The following FAM135A variants were observed in gnomAD, a reference collection of about 807,000 sequenced individuals.
FAM135A encodes the protein protein FAM135A.
FAM135A carries 79 observed loss-of-function variants against 146.8 expected under a neutral mutation model. That is an observed-to-expected ratio of 0.54 (90% confidence interval 0.45 to 0.65). The LOEUF is 0.65. FAM135A is among the 30% of genes least tolerant of loss of function. The pLI is 0.00. For missense variants in FAM135A, 1,623 were observed against 1,758.2 expected (o/e 0.92, Z 1.38); for synonymous variants, 562 against 603.6 (o/e 0.93, Z 1.01).
intron 5 of FAM135A, among the ~76,000 whole-genome samples, 194 bp from the exon 6 acceptor site, chr6:70,475,216 T>C (rs1782392276): frequency 6.6e-6 from 1 of 152,248 alleles, no homozygotes. Flanking sequence ...AATTTTACAA[T>C]GCTCATAATG....
At chr6:70,538,170 A>G in intron 19 of FAM135A, 121 bp from the exon 20 acceptor site, 2 of 523,422 alleles carry the variant, frequency 3.8e-6, no homozygotes, top group Non-Finnish European at 6.1e-6. Flanking sequence ...TGATTAGCCA[A>G]CAAAAATGCT....
intron 1 of FAM135A, chr6:70,413,935 T>G: frequency 1.0e-6 from 1 of 985,476 alleles, no homozygotes; most frequent in Non-Finnish European, 1.2e-6. Context: ...CGCGGCGCGC[T>G]GCTCTCCCGG....
At chr6:70,421,375 G>A (rs111279308) in intron 2 of FAM135A, among the ~76,000 whole-genome samples, 20 of 152,188 alleles carry the variant, frequency 1.3e-4, no homozygotes, top group African/African-American at 4.8e-4. Flanking sequence ...CATTTCACTC[G>A]TTCAGTGGAC....
rs1796276802 is a variant in FAM135A at position 70,533,780 on chromosome 6, T to C, written c.3891T>C (p.Asp1297=). The C allele has an allele frequency of 6.3e-7, 1 of 1,587,516 alleles. No individual in the cohort carries two copies. Among genetic ancestry groups the C allele is most frequent in the Non-Finnish European group, 8.5e-7 (1 of 1,170,072 alleles). ...RNQNDTFADF[D]SMTDRLLDEI... ...AGAATGATACTTTTGCTGATTTTGA[T>C]AGCATGACTGATCGTCTTTTGGATG... Residue 1297 remains aspartate, a synonymous_variant, in exon 18 of 22, where the codon GAT becomes GAC. Coordinates refer to ENST00000418814, the MANE Select transcript of FAM135A (RefSeq NM_001162529.3).
Position 70,486,098 on chromosome 6 carries a change from G to C in FAM135A, c.823+3944G>C, listed in dbSNP as rs1181939815. On this transcript the variant is annotated intron_variant, in intron 10 of 21. Transcript: ENST00000418814. ...CACTAAGTCTATTATTAACAAGTTG[G>C]AAAATTCTAGTAAGTTTTGTTGTGA... is the stretch of plus-strand genomic sequence containing the variant. The C allele has an allele frequency of 3.6e-6, 5 of 1,396,164 alleles. No individual in the cohort carries two copies. The African/African-American group carries it at 7.2e-5, about 20-fold the overall frequency. The allele number at this position is 1,396,164 out of a possible 1,614,324, so 86.5% of individuals were successfully genotyped here.
rs1286089174 is a variant in FAM135A, at chr6:70,526,618, A to G, written c.3534A>G (p.Thr1178=). The part of the protein sequence containing the change: ...YSSKSKFDAI[T]KQPSSTSYNF... ...CCAAAAGTAAATTTGATGCCATTACAAAGCAGCCAAGCAGTACTTCTTACA... is the reference window on the plus strand; with the variant it reads ...CCAAAAGTAAATTTGATGCCATTACGAAGCAGCCAAGCAGTACTTCTTACA... Residue 1178 remains threonine (T), a synonymous_variant, in exon 15 of 22, where the codon ACA becomes ACG. Coordinates refer to ENST00000418814, the MANE Select transcript of FAM135A (RefSeq NM_001162529.3). The G allele has an allele frequency of 1.2e-6, 2 of 1,613,318 alleles. No homozygotes were observed. Among genetic ancestry groups the G allele is most frequent in the Non-Finnish European group, 1.7e-6 (2 of 1,179,654 alleles).
chr6:70,519,918 GATA>G (rs886463886), intron 12 of FAM135A, among the ~76,000 whole-genome samples: 3 of 142,728 alleles, frequency 2.1e-5, no homozygotes, highest in African/African-American at 5.5e-5. Flanking sequence ...TGATATATAT[GATA>G]ATAATTTAGT....
At chr6:70,500,870 G>A (rs1023016283) in intron 11 of FAM135A, among the ~76,000 whole-genome samples, 2 of 152,160 alleles carry the variant, frequency 1.3e-5, no homozygotes, top group East Asian at 1.9e-4. Context: ...TCCCAGAGGG[G>A]CACCATCCTG....
In FAM135A at chr6:70,491,024, C is replaced by T. The variant is rs186839807; in HGVS notation, c.824-10C>T. On this transcript the variant is annotated splice_polypyrimidine_tract_variant and intron_variant, in intron 10 of 21. Transcript: ENST00000418814. ...ATTGGAATATTTCCTCTACTCTTTA[C>T]TCCTTCCAGAGGAAATGGATGTAGA... is the stretch of plus-strand genomic sequence containing the variant. 7.0e-3 allele frequency: 11,141 copies of T among 1,581,082 alleles called. 52 individuals carry two copies. Among genetic ancestry groups the T allele is most frequent in the Non-Finnish European group, 8.1e-3 (9,375 of 1,164,128 alleles).
chr6:70,427,207 G>A (rs887642169), intron 3 of FAM135A, among the ~76,000 whole-genome samples: 1 of 152,062 alleles, frequency 6.6e-6, no homozygotes, highest in East Asian at 1.9e-4. Flanking sequence ...ATAGGGGATT[G>A]TTTAATTATA....
intron 10 of FAM135A, among the ~76,000 whole-genome samples, chr6:70,483,010 ATTTCAGTCT>A (rs2128187422): frequency 6.6e-6 from 1 of 152,136 alleles, no homozygotes; most frequent in South Asian, 2.1e-4. Context: ...TTCCTCAAGG[ATTTCAGTCT>A]TTTAACAATA....
At chr6:70,497,460 C>T (rs1382356906) in intron 11 of FAM135A, among the ~76,000 whole-genome samples, 2 of 152,152 alleles carry the variant, frequency 1.3e-5, no homozygotes, top group African/African-American at 4.8e-5. Context: ...AGTTTGACTT[C>T]CTCTCTTCCT....
At chr6:70,552,274 A>G (rs771964179) in intron 20 of FAM135A, among the ~76,000 whole-genome samples, 4 of 152,074 alleles carry the variant, frequency 2.6e-5, no homozygotes, top group African/African-American at 9.7e-5. Context: ...TCCAAATACA[A>G]TTGAGCCTGG....
chr6:70,435,896 T>C (rs1772996315), intron 4 of FAM135A, among the ~76,000 whole-genome samples: 1 of 152,198 alleles, frequency 6.6e-6, no homozygotes, highest in Admixed American at 6.6e-5. Flanking sequence ...TTAAAGTTCA[T>C]GAACTTGCCG....
At chr6:70,499,369 A>C (rs551888330) in intron 11 of FAM135A, among the ~76,000 whole-genome samples, 10 of 152,080 alleles carry the variant, frequency 6.6e-5, no homozygotes, top group Non-Finnish European at 1.0e-4. Flanking sequence ...TTGAGCCTAT[A>C]TGTGTCTTTG....
At position 70,537,060 on chromosome 6, in the gene FAM135A, G is replaced by A. The variant is rs148060831; in HGVS notation, c.4117+649G>A. ...AAGCGATTCTCCTGCCTCAGCCTCCGGAGTAGCTGGGATTACAGGCATACG... is the reference window on the plus strand; with the variant it reads ...AAGCGATTCTCCTGCCTCAGCCTCCAGAGTAGCTGGGATTACAGGCATACG... On this transcript the variant is annotated intron_variant, in intron 19 of 21. Transcript: ENST00000418814. 1.4e-3 allele frequency among the ~76,000 whole-genome samples: 214 copies of A among 151,266 alleles called. No individual in the cohort carries two copies. The East Asian group carries it at 0.031, about 22-fold the overall frequency.
At chr6:70,420,525 G>A (rs1768582370) in intron 2 of FAM135A, among the ~76,000 whole-genome samples, 1 of 152,210 alleles carries the variant, frequency 6.6e-6, no homozygotes, top group Non-Finnish European at 1.5e-5. Flanking sequence ...TCTGATGGGA[G>A]CGAAGATGCC....
intron 11 of FAM135A, among the ~76,000 whole-genome samples, chr6:70,493,176 A>C (rs1019932490): frequency 6.6e-6 from 1 of 152,094 alleles, no homozygotes; most frequent in Non-Finnish European, 1.5e-5. Context: ...AAAACTCTTC[A>C]AGATATATTA....
chr6:70,450,700 T>A (rs1441733383), intron 4 of FAM135A, among the ~76,000 whole-genome samples: 1 of 137,338 alleles, frequency 7.3e-6, no homozygotes, highest in Non-Finnish European at 1.6e-5. Context: ...ACTCAGGGAG[T>A]GTGACCCTTT....
Sources: allele counts gnomAD v4.1 joint callset (sites outside exome capture counted in the v4.1 genomes callset), GRCh38; gene constraint gnomAD v4.1.1; transcripts MANE v1.5; gene names NCBI Gene and HGNC (gene_info 2026-07-23, HGNC 2026-07-21).